TRPV4: variants seen among roughly 807,000 people sequenced by gnomAD.
TRPV4 encodes the protein transient receptor potential cation channel subfamily V member 4, also known as OSM9-like transient receptor potential channel 4.
A neutral mutation model predicts 84.1 loss-of-function variants in TRPV4; 58 were observed. That is an observed-to-expected ratio of 0.69 (90% CI 0.56 to 0.86). The LOEUF (loss-of-function observed/expected upper bound fraction) is 0.86. Ranked by LOEUF, TRPV4 falls within the 40% of genes least tolerant of loss-of-function variation. The probability of loss-of-function intolerance (pLI) is 0.00; values close to 1 mark genes in which losing one functional copy is unlikely to be tolerated. For synonymous variants in TRPV4, 489 were observed against 500.9 expected, an observed-to-expected ratio of 0.98 and a Z score of 0.32; for missense variants, 879 against 1,181.1, an observed-to-expected ratio of 0.74 and a Z score of 3.75.
At chr12:109,813,819 T>C (rs1189285835) in intron 2 of TRPV4, among the ~76,000 whole-genome samples, 1 of 149,926 alleles carries the variant, frequency 6.7e-6, no homozygotes, top group East Asian at 2.0e-4. Flanking sequence ...AATAGACGAG[T>C]AGATGGACAG....
intron 1 of TRPV4, among the ~76,000 whole-genome samples, chr12:109,825,715 G>A (rs138878393): frequency 6.6e-5 from 10 of 152,276 alleles, no homozygotes; most frequent in Non-Finnish European, 1.0e-4. Flanking sequence ...CAGGACACTC[G>A]TCCATGCATA....
rs1430625440 is a variant in TRPV4, at chr12:109,784,478, A to T, written c.2337-41T>A. 5 of 1,613,782 alleles carry T rather than the reference A, an allele frequency of 3.1e-6. No homozygotes were observed. The African/African-American group carries it at 5.3e-5, about 17-fold the overall frequency. ...CAGAGGGTCATGGGGAACCCCTCAGAGACGCTCTCCATGCCACCATCCCCA... is the reference window on the plus strand; with the variant it reads ...CAGAGGGTCATGGGGAACCCCTCAGTGACGCTCTCCATGCCACCATCCCCA... On this transcript the variant is annotated intron_variant, in intron 14 of 15. Transcript: ENST00000261740.
chr12:109,812,911 C>A (rs900109829), intron 2 of TRPV4, among the ~76,000 whole-genome samples: 1 of 151,762 alleles, frequency 6.6e-6, no homozygotes, highest in Admixed American at 6.6e-5. Flanking sequence ...GACAATGGAT[C>A]TATAGATTGG....
intron 12 of TRPV4, among the ~76,000 whole-genome samples, chr12:109,792,068 T>C (rs1396721050): frequency 7.3e-6 from 1 of 136,232 alleles, no homozygotes; most frequent in Non-Finnish European, 1.6e-5. Context: ...CCATCTCTAC[T>C]AAAAATACAA....
intron 2 of TRPV4, among the ~76,000 whole-genome samples, chr12:109,812,294 C>A (rs1250823188): frequency 2.0e-5 from 3 of 152,190 alleles, no homozygotes; most frequent in Non-Finnish European, 4.4e-5. Flanking sequence ...GTCATAGGGG[C>A]CACATGCTGT....
chr12:109,825,760 C>T (rs1184467999), intron 1 of TRPV4, among the ~76,000 whole-genome samples: 8 of 152,116 alleles, frequency 5.3e-5, no homozygotes, highest in Admixed American at 3.9e-4. Context: ...GCAAAAGTCC[C>T]GAGTTTGCCA....
intron 7 of TRPV4, 49 bp from the exon 8 acceptor site, chr12:109,794,536 G>T (rs1890268320): frequency 6.2e-7 from 1 of 1,606,052 alleles, no homozygotes; most frequent in South Asian, 1.1e-5. Context: ...ATGGGTGGGG[G>T]GTCCAGGCAG....
Position 109,796,752 on chromosome 12 carries a change from C to T in TRPV4, c.1153-48G>A. On this transcript the variant is annotated intron_variant, in intron 6 of 15. Transcript: ENST00000261740. The surrounding 1 kb of genome is among the most constrained non-coding windows in gnomAD (Gnocchi z 4.2). The stretch of plus-strand genomic sequence containing the variant: ...CAGGGGGCTCACACTGGAAAGACCC[C>T]CAGGGCTGGGCCCAGCTCAGCACAT... 6.4e-7 allele frequency: 1 copy of T among 1,573,880 alleles called. No individual in the cohort carries two copies. The highest frequency in any genetic ancestry group is 1.2e-5 in the South Asian group (1 of 84,988).
Position 109,814,765 on chromosome 12 carries a change from C to T in TRPV4, c.32G>A (p.Gly11Glu). ...GGGGAGCTCAGCCACCTCCCCGGGC[C>T]CCGCGCGGGGGCCTTCGCTGGAATC... is the stretch of plus-strand genomic sequence containing the variant. Reference protein sequence around the residue: MADSSEGPRAGPGEVAELPGD... With the variant: MADSSEGPRAEPGEVAELPGD... Residue 11 changes from glycine (G) to glutamate (E), a missense_variant, in exon 2 of 16, where the codon GGG (glycine) becomes GAG (glutamate). Coordinates refer to ENST00000261740, the MANE Select transcript of TRPV4 (RefSeq NM_021625.5). This position sits in a 1 kb window ranked among gnomAD's most constrained non-coding sequence, Gnocchi z 5.4. 3 of 1,557,810 alleles carry T rather than the reference C, an allele frequency of 1.9e-6. No homozygotes were observed. The highest frequency in any genetic ancestry group is 2.4e-5 in the East Asian group (1 of 41,618).
At chr12:109,803,210 GGTACA>G (rs1277963381) in intron 3 of TRPV4, 67 bp from the exon 4 acceptor site, 2 of 1,582,784 alleles carry the variant, frequency 1.3e-6, no homozygotes, top group Non-Finnish European at 1.7e-6. Flanking sequence ...CAGGCATCGG[GGTACA>G]GAACACTGGG....
chr12:109,827,303 G>C (rs1030840049), intron 1 of TRPV4, among the ~76,000 whole-genome samples: 1 of 152,116 alleles, frequency 6.6e-6, no homozygotes, highest in African/African-American at 2.4e-5. Context: ...AAGCACACTT[G>C]GTCTCAGAGC....
chr12:109,819,814 G>A (rs544333033), intron 1 of TRPV4, among the ~76,000 whole-genome samples: 1 of 152,250 alleles, frequency 6.6e-6, no homozygotes, highest in Admixed American at 6.5e-5. Flanking sequence ...TACCCGCCTC[G>A]GCCTCCCAAA....
chr12:109,808,162 T>G lies in TRPV4; in HGVS notation c.559+134A>C, dbSNP rs532886433. On this transcript the variant is annotated intron_variant, in intron 3 of 15. Transcript: ENST00000261740. ...GAAGGACACACAGGACCAGACTCCC[T>G]GTCCAGTGCACTTTCCAGGCCAATG... The G allele has an allele frequency of 5.2e-6, 5 of 968,438 alleles. No individual in the cohort carries two copies. The Admixed American group carries it at 1.0e-4, about 19-fold the overall frequency. 60.0% of individuals were successfully genotyped at this position (968,438 alleles called of 1,614,324 possible).
chr12:109,785,386 A>G (rs2136424358), intron 14 of TRPV4, among the ~76,000 whole-genome samples: 1 of 150,640 alleles, frequency 6.6e-6, no homozygotes, highest in South Asian at 2.1e-4. Context: ...TTTTTTTTAC[A>G]TATTATCTTT....
At chr12:109,813,780 T>G (rs983146482) in intron 2 of TRPV4, among the ~76,000 whole-genome samples, 1 of 148,110 alleles carries the variant, frequency 6.8e-6, no homozygotes, top group Non-Finnish European at 1.5e-5. Context: ...ATGGATAGAT[T>G]AATGGATAGA....
intron 3 of TRPV4, among the ~76,000 whole-genome samples, chr12:109,805,439 A>G (rs2136579935): frequency 6.6e-6 from 1 of 152,336 alleles, no homozygotes; most frequent in South Asian, 2.1e-4. Context: ...GAGGTGGAAC[A>G]TGCAGTTCCA....
intron 3 of TRPV4, among the ~76,000 whole-genome samples, chr12:109,803,729 G>C (rs1388149321): frequency 2.0e-5 from 3 of 152,142 alleles, no homozygotes; most frequent in Admixed American, 1.3e-4. Context: ...AAAGTGCTGG[G>C]ATTACAGATG....
rs1372537924 is a variant in TRPV4, at chr12:109,815,418, C to T, written c.-31-591G>A. Among the ~76,000 whole-genome samples, 1 of 152,198 alleles carries T rather than the reference C, an allele frequency of 6.6e-6. No homozygotes were observed. Among genetic ancestry groups the T allele is most frequent in the South Asian group, 2.1e-4 (1 of 4,832 alleles). On this transcript the variant is annotated intron_variant, in intron 1 of 15. Transcript: ENST00000261740. The surrounding 1 kb of genome is among the most constrained non-coding windows in gnomAD (Gnocchi z 4.1). ...ATCCATGTGGACTTGCTGTGTAGGCCGGCAGTCCTTTTCCTCATCAAACAC... is the reference window on the plus strand; with the variant it reads ...ATCCATGTGGACTTGCTGTGTAGGCTGGCAGTCCTTTTCCTCATCAAACAC...
intron 3 of TRPV4, among the ~76,000 whole-genome samples, chr12:109,805,572 G>A (rs1891068723): frequency 6.6e-6 from 1 of 152,176 alleles, no homozygotes; most frequent in Non-Finnish European, 1.5e-5. Flanking sequence ...TGGGGGCACA[G>A]GAGGGCGTCC....
Sources: gnomAD v4.1 joint callset for allele counts (sites outside exome capture counted in the v4.1 genomes callset) on GRCh38, gnomAD v4.1.1 for gene constraint, Gnocchi (gnomAD v3.1) non-coding constraint, MANE v1.5 for transcripts, NCBI Gene and HGNC (gene_info 2026-07-23, HGNC 2026-07-21) for gene names.